Variants in AGAP1 observed in about 807,000 individuals in gnomAD.
AGAP1 encodes ArfGAP with GTPase domain, ankyrin repeat and PH domain 1.
In AGAP1, 29 loss-of-function variants were observed where a neutral mutation model predicts 105.3. That is an observed-to-expected ratio of 0.28 (90% CI 0.21 to 0.38). The LOEUF is 0.38. Among genes scored for constraint, AGAP1 ranks in the 10% least tolerant of loss-of-function variants. The pLI, the probability that AGAP1 is intolerant of heterozygous loss-of-function variation, is 1.00. For synonymous variants in AGAP1, 509 were observed against 485.9 expected (o/e 1.05, Z -0.63); for missense variants, 998 against 1,165.1 (o/e 0.86, Z 2.09).
chr2:235,981,508 A>G lies in AGAP1; in HGVS notation c.1645+12885A>G, dbSNP rs1226969751. ...TTTTTTTCTTTCTGAATTTCATGAA[A>G]ATAAAATATTTTCTACCAGAATACA... On this transcript the variant is annotated intron_variant, in intron 13 of 17. Coordinates refer to ENST00000304032, the MANE Select transcript of AGAP1 (RefSeq NM_001037131.3). This position sits in a 1 kb window ranked among gnomAD's most constrained non-coding sequence, Gnocchi z 5.5. Among the ~76,000 whole-genome samples, 1 of 152,140 alleles carries G rather than the reference A, an allele frequency of 6.6e-6. No homozygotes were observed.
chr2:235,559,809 A>G lies in AGAP1; in HGVS notation c.163+64960A>G, dbSNP rs898721702. On this transcript the variant is annotated intron_variant, in intron 1 of 17. Coordinates refer to ENST00000304032, the MANE Select transcript of AGAP1 (RefSeq NM_001037131.3). This position sits in a 1 kb window ranked among gnomAD's most constrained non-coding sequence, Gnocchi z 5.7. ...TTTGTATATCTTAGGAGAAATACCT[A>G]TTCAAATCTTTTGACTGTTTTTAAA... Among the ~76,000 whole-genome samples, 3 of 151,996 alleles carry G rather than the reference A, an allele frequency of 2.0e-5. No individual in the cohort carries two copies. Among genetic ancestry groups the G allele is most frequent in the African/African-American group, 4.8e-5 (2 of 41,468 alleles).
chr2:235,968,650 A>G, intron 13 of AGAP1, 27 bp downstream of exon 13: 1 of 1,590,824 alleles, frequency 6.3e-7, no homozygotes, highest in East Asian at 2.3e-5. Flanking sequence ...GCCCCGGGAG[A>G]GAGTCTCCAC....
chr2:235,494,653 G>GC lies in AGAP1; in HGVS notation c.-34_-33insC, dbSNP rs1941227079. On this transcript the variant is annotated 5_prime_UTR_variant, in exon 1 of 18. Coordinates refer to ENST00000304032, the MANE Select transcript of AGAP1 (RefSeq NM_001037131.3). ...CCCGGGGCGCGGGGCGGCGGCGGCG[G>GC]GGGGCGCGCGGCTCCGGGCGCGGCG... 7 of 1,069,938 alleles carry GC rather than the reference G, an allele frequency of 6.5e-6. No individual in the cohort carries two copies. Among genetic ancestry groups the GC allele is most frequent in the Non-Finnish European group, 8.0e-6 (7 of 872,684 alleles). The allele number at this position is 1,069,938 out of a possible 1,614,324, so 66.3% of individuals were successfully genotyped here.
Position 235,882,536 on chromosome 2 carries a change from C to T in AGAP1, c.1051-809C>T, listed in dbSNP as rs1036212328. ...TACCATCCGTGGCGGGCTCTTAGCTCACTGCAACACTCTGCCTCCTGGGTT... is the reference window on the plus strand; with the variant it reads ...TACCATCCGTGGCGGGCTCTTAGCTTACTGCAACACTCTGCCTCCTGGGTT... On this transcript the variant is annotated intron_variant, in intron 9 of 17. Transcript: ENST00000304032. The surrounding 1 kb of genome is among the most constrained non-coding windows in gnomAD (Gnocchi z 4.6). 6 of 1,030,562 alleles carry T rather than the reference C, an allele frequency of 5.8e-6. No homozygotes were observed. The African/African-American group carries it at 9.6e-5, about 17-fold the overall frequency. The allele number at this position is 1,030,562 out of a possible 1,614,324, so 63.8% of individuals were successfully genotyped here.
intron 1 of AGAP1, among the ~76,000 whole-genome samples, chr2:235,652,091 A>G (rs576283758): frequency 6.6e-6 from 1 of 152,272 alleles, no homozygotes; most frequent in South Asian, 2.1e-4. Flanking sequence ...GGGCAAACTT[A>G]ATTTCATTTG....
chr2:235,843,325 C>A lies in AGAP1; in HGVS notation c.1050+35994C>A, dbSNP rs373427869. 6.6e-6 allele frequency among the ~76,000 whole-genome samples: 1 copy of A among 152,164 alleles called. No homozygotes were observed. The highest frequency in any genetic ancestry group is 1.9e-4 in the East Asian group (1 of 5,182). On this transcript the variant is annotated intron_variant, in intron 9 of 17. Coordinates refer to ENST00000304032, the MANE Select transcript of AGAP1 (RefSeq NM_001037131.3). This position sits in a 1 kb window ranked among gnomAD's most constrained non-coding sequence, Gnocchi z 5.9. ...TTCTCACCCACACAATTCTTTCCTT[C>A]CCTCCCTCTGTCCCACGCTGTGTCC...
chr2:235,683,271 A>T (rs1218488930), intron 1 of AGAP1, among the ~76,000 whole-genome samples: 1 of 152,098 alleles, frequency 6.6e-6, no homozygotes, highest in Non-Finnish European at 1.5e-5. Flanking sequence ...GCACCACTGC[A>T]CTCCAGCCTG....
At position 235,866,722 on chromosome 2, in the gene AGAP1, C is replaced by T. The variant is rs999447955; in HGVS notation, c.1051-16623C>T. ...ATTCTGGAGGCTGGAAGTCTTGGATCAAGGCCTCAGTGGGATTGGCTTCTC... is the reference window on the plus strand; with the variant it reads ...ATTCTGGAGGCTGGAAGTCTTGGATTAAGGCCTCAGTGGGATTGGCTTCTC... On this transcript the variant is annotated intron_variant, in intron 9 of 17. Transcript: ENST00000304032. The surrounding 1 kb of genome is among the most constrained non-coding windows in gnomAD (Gnocchi z 6.1). Among the ~76,000 whole-genome samples, 9 of 152,204 alleles carry T rather than the reference C, an allele frequency of 5.9e-5. No individual in the cohort carries two copies. Among genetic ancestry groups the T allele is most frequent in the African/African-American group, 2.2e-4 (9 of 41,450 alleles).
intron 16 of AGAP1, among the ~76,000 whole-genome samples, chr2:236,059,281 A>G (rs1209849846): frequency 6.6e-6 from 1 of 152,352 alleles, no homozygotes; most frequent in African/African-American, 2.4e-5. Flanking sequence ...TTAGAAATAA[A>G]TTACCTGTAC....
At chr2:235,774,874 A>G (rs1170805170) in intron 6 of AGAP1, among the ~76,000 whole-genome samples, 2 of 152,100 alleles carry the variant, frequency 1.3e-5, no homozygotes, top group Admixed American at 6.5e-5. Context: ...TCACTCGCCC[A>G]TTCATTCACC....
At chr2:235,808,323 C>T (rs1376251327) in intron 9 of AGAP1, among the ~76,000 whole-genome samples, 8 of 152,202 alleles carry the variant, frequency 5.3e-5, no homozygotes, top group African/African-American at 1.2e-4. Flanking sequence ...TACACAGCAT[C>T]GGTAATCCCT....
chr2:235,757,757 G>T (rs1333662997), intron 6 of AGAP1, among the ~76,000 whole-genome samples: 1 of 152,208 alleles, frequency 6.6e-6, no homozygotes, highest in Non-Finnish European at 1.5e-5. Context: ...TGCTTCCAGA[G>T]ATTGAAATCC....
intron 12 of AGAP1, among the ~76,000 whole-genome samples, chr2:235,956,412 G>A (rs767834482): frequency 9.9e-5 from 15 of 152,222 alleles, no homozygotes; most frequent in Non-Finnish European, 2.1e-4. Flanking sequence ...CACTCCCCAC[G>A]GCTTCCCCAG....
At chr2:235,876,033 C>G (rs2049708365) in intron 9 of AGAP1, among the ~76,000 whole-genome samples, 1 of 152,170 alleles carries the variant, frequency 6.6e-6, no homozygotes, top group East Asian at 1.9e-4. Flanking sequence ...ACCAAGATCT[C>G]CTTGCTATAA....
At position 236,036,462 on chromosome 2, in the gene AGAP1, G is replaced by C; in HGVS notation, c.1646-99G>C. On this transcript the variant is annotated intron_variant, in intron 13 of 17. Transcript: ENST00000304032. This position sits in a 1 kb window ranked among gnomAD's most constrained non-coding sequence, Gnocchi z 5.7. ...GCCGTGCGCCTCACCGGTCCATGCAGGGGCAGCTGAACCCAGAGGCGCTTC... is the reference window on the plus strand; with the variant it reads ...GCCGTGCGCCTCACCGGTCCATGCACGGGCAGCTGAACCCAGAGGCGCTTC... 6.7e-7 allele frequency: 1 copy of C among 1,489,296 alleles called. No homozygotes were observed. Among genetic ancestry groups the C allele is most frequent in the Admixed American group, 1.9e-5 (1 of 52,330 alleles). 92.3% of individuals were successfully genotyped at this position (1,489,296 alleles called of 1,614,324 possible). A position where few individuals can be genotyped will look rare whatever the true frequency, so the allele number is the denominator to read the frequency against.
rs12477528 is a variant in AGAP1 at position 236,042,894 on chromosome 2, C to T, written c.1891+2053C>T. Among the ~76,000 whole-genome samples the T allele has an allele frequency of 3.3e-5, 5 of 152,328 alleles. No homozygotes were observed. The highest frequency in any genetic ancestry group is 9.6e-5 in the African/African-American group (4 of 41,578). ...TGTGTCAGCCCGGTGCCAAACCCTC[C>T]CATGCGCTGTCTTTTCATTCTGCAA... On this transcript the variant is annotated intron_variant, in intron 15 of 17. Coordinates refer to ENST00000304032, the MANE Select transcript of AGAP1 (RefSeq NM_001037131.3). The surrounding 1 kb of genome is among the most constrained non-coding windows in gnomAD (Gnocchi z 5.6).
At position 235,965,326 on chromosome 2, in the gene AGAP1, G is replaced by T. The variant is rs1013393870; in HGVS notation, c.1484-3136G>T. 6.6e-6 allele frequency among the ~76,000 whole-genome samples: 1 copy of T among 152,176 alleles called. No individual in the cohort carries two copies. Among genetic ancestry groups the T allele is most frequent in the Non-Finnish European group, 1.5e-5 (1 of 68,040 alleles). ...GCCCCTGTGGACGTAGGGAGGAGAG[G>T]CAGGAAAACATGGCATCTTGGGCCA... On this transcript the variant is annotated intron_variant, in intron 12 of 17. Coordinates refer to ENST00000304032, the MANE Select transcript of AGAP1 (RefSeq NM_001037131.3). This position sits in a 1 kb window ranked among gnomAD's most constrained non-coding sequence, Gnocchi z 5.8.
chr2:235,723,986 T>C lies in AGAP1; in HGVS notation c.310+6342T>C, dbSNP rs1951522370. ...CTGCCACTGAGGCCCAGCGGCTGCC[T>C]GCGAGGGTCAGTGGTGTCGTAGCCT... On this transcript the variant is annotated intron_variant, in intron 3 of 17. Coordinates refer to ENST00000304032, the MANE Select transcript of AGAP1 (RefSeq NM_001037131.3). The surrounding 1 kb of genome is among the most constrained non-coding windows in gnomAD (Gnocchi z 6.2). 6.6e-6 allele frequency among the ~76,000 whole-genome samples: 1 copy of C among 152,148 alleles called. No individual in the cohort carries two copies. Among genetic ancestry groups the C allele is most frequent in the African/African-American group, 2.4e-5 (1 of 41,424 alleles).
In AGAP1 at chr2:235,663,817, A is replaced by G. The variant is rs1446702139; in HGVS notation, c.164-45362A>G. Among the ~76,000 whole-genome samples, 1 of 152,184 alleles carries G rather than the reference A, an allele frequency of 6.6e-6. No homozygotes were observed. Among genetic ancestry groups the G allele is most frequent in the Non-Finnish European group, 1.5e-5 (1 of 68,034 alleles). ...TGTCTGCATGAAGACCATCGTACAG[A>G]TGGCGATATTAGAAGAGTTCCCTCC... On this transcript the variant is annotated intron_variant, in intron 1 of 17. Transcript: ENST00000304032. This position sits in a 1 kb window ranked among gnomAD's most constrained non-coding sequence, Gnocchi z 5.4.
Sources: allele counts gnomAD v4.1 joint callset (sites outside exome capture counted in the v4.1 genomes callset), GRCh38; gene constraint gnomAD v4.1.1; non-coding constraint Gnocchi (gnomAD v3.1); transcripts MANE v1.5; gene names NCBI Gene and HGNC (gene_info 2026-07-23, HGNC 2026-07-21).